Variants in NOVA1 observed in about 807,000 individuals in gnomAD.
The protein encoded by NOVA1 is NOVA alternative splicing regulator 1, also known as RNA-binding protein Nova-1.
Under a neutral mutation model 38.0 loss-of-function variants are expected in NOVA1, and 7 were observed. The observed-to-expected ratio is 0.18, with a 90% CI of 0.10 to 0.35. The LOEUF is 0.35. NOVA1 is among the 10% of genes least tolerant of loss of function. NOVA1 has a pLI of 1.00. For missense variants in NOVA1, 460 were observed against 616.0 expected (o/e 0.75, Z 2.68); for synonymous variants, 270 against 232.5 (o/e 1.16, Z -1.47).
intron 2 of NOVA1, among the ~76,000 whole-genome samples, chr14:26,579,948 T>C (rs1594574171): frequency 6.6e-6 from 1 of 152,050 alleles, no homozygotes; most frequent in East Asian, 1.9e-4. Flanking sequence ...TTTTTAGAGA[T>C]GGGGTCTCAC....
chr14:26,577,565 G>T (rs1892938710), intron 2 of NOVA1, among the ~76,000 whole-genome samples: 1 of 151,992 alleles, frequency 6.6e-6, no homozygotes, highest in South Asian at 2.1e-4. Context: ...TTTTGTTTCT[G>T]TTATCTTCTT....
intron 3 of NOVA1, among the ~76,000 whole-genome samples, chr14:26,472,675 A>C (rs1884681563): frequency 6.6e-6 from 1 of 152,066 alleles, no homozygotes; most frequent in Non-Finnish European, 1.5e-5. Flanking sequence ...ATATTCATGA[A>C]TAGTAGTTTC....
intron 2 of NOVA1, among the ~76,000 whole-genome samples, chr14:26,578,355 CTT>C (rs72054917): frequency 1.2e-4 from 10 of 86,096 alleles, no homozygotes; most frequent in East Asian, 3.0e-4. Context: ...AAGAAACACA[CTT>C]TTTTTTTTTA....
At chr14:26,529,248 C>T (rs976375439) in intron 2 of NOVA1, among the ~76,000 whole-genome samples, 7 of 151,990 alleles carry the variant, frequency 4.6e-5, no homozygotes, top group South Asian at 2.1e-4. Context: ...AGCATTTCTC[C>T]GGCCTCAGCC....
chr14:26,449,618 A>C (rs1013227157), intron 4 of NOVA1, among the ~76,000 whole-genome samples: 1 of 152,104 alleles, frequency 6.6e-6, no homozygotes, highest in Non-Finnish European at 1.5e-5. Context: ...ATAATTAATA[A>C]TTTTTAATTT....
At chr14:26,544,474 TA>T (rs772814341) in intron 2 of NOVA1, among the ~76,000 whole-genome samples, 5,139 of 139,638 alleles carry the variant, frequency 0.037, 171 homozygotes, top group African/African-American at 0.096. Flanking sequence ...AACATAAGGT[TA>T]AAAAAAAAAA....
intron 2 of NOVA1, among the ~76,000 whole-genome samples, chr14:26,540,865 G>A (rs759533307): frequency 3.9e-5 from 6 of 152,190 alleles, no homozygotes; most frequent in South Asian, 2.1e-4. Context: ...TGAACAATAC[G>A]TGCTTTCCAC....
At chr14:26,537,788 C>T (rs958526129) in intron 2 of NOVA1, among the ~76,000 whole-genome samples, 1 of 151,980 alleles carries the variant, frequency 6.6e-6, no homozygotes, top group Non-Finnish European at 1.5e-5. Context: ...CCTTAAAAGA[C>T]TATGAGGAGA....
chr14:26,585,323 CA>C (rs1010259028), intron 2 of NOVA1, among the ~76,000 whole-genome samples: 1 of 151,232 alleles, frequency 6.6e-6, no homozygotes, highest in Admixed American at 6.6e-5. Context: ...AAACTATAAG[CA>C]AATAAGTTCC....
At chr14:26,485,208 T>A (rs548875831) in intron 2 of NOVA1, among the ~76,000 whole-genome samples, 4 of 152,086 alleles carry the variant, frequency 2.6e-5, no homozygotes, top group South Asian at 2.1e-4. Context: ...ATTTTTTTTT[T>A]AAATAAACAA....
Position 26,596,483 on chromosome 14 carries a change from T to C in NOVA1, c.136+818A>G, listed in dbSNP as rs987943058. On this transcript the variant is annotated intron_variant, in intron 1 of 4. Coordinates refer to ENST00000539517, the MANE Select transcript of NOVA1 (RefSeq NM_002515.3). The stretch of plus-strand genomic sequence containing the variant: ...GGAGACACCCCGGTAAATCCAGCTT[T>C]CTTAATGTGAATGAATGTTCCAAAT... The C allele has an allele frequency of 1.7e-5, 21 of 1,210,444 alleles. No individual in the cohort carries two copies. The Admixed American group carries it at 2.1e-4, about 12-fold the overall frequency. The allele number at this position is 1,210,444 out of a possible 1,614,324, so 75.0% of individuals were successfully genotyped here.
chr14:26,584,421 C>T (rs1013853293), intron 2 of NOVA1, among the ~76,000 whole-genome samples: 2 of 151,436 alleles, frequency 1.3e-5, no homozygotes, highest in Non-Finnish European at 3.0e-5. Context: ...AATTACAGTA[C>T]CACTGTCAGT....
chr14:26,479,615 T>C (rs1885271063), intron 3 of NOVA1: 1 of 230,456 alleles, frequency 4.3e-6, no homozygotes, highest in African/African-American at 2.2e-5. Flanking sequence ...AAATAGGGTA[T>C]TGGAAATTTT....
rs77528246 is a variant in NOVA1, at chr14:26,547,759, C to T, written c.280+47651G>A. Among the ~76,000 whole-genome samples the T allele has an allele frequency of 7.2e-4, 109 of 152,030 alleles. 2 individuals are homozygous for T. In the East Asian group the frequency reaches 0.017, roughly 24 times the overall value. On this transcript the variant is annotated intron_variant, in intron 2 of 4. Transcript: ENST00000539517. ...TGCCAAAGAATCAATTATAGCAATT[C>T]GAATATTTCATATATTGATAAAAAT...
rs544183272 is a variant in NOVA1 at position 26,515,781 on chromosome 14, C to T, written c.281-35638G>A. Among the ~76,000 whole-genome samples, 23 of 152,090 alleles carry T rather than the reference C, an allele frequency of 1.5e-4. No individual in the cohort carries two copies. The South Asian group carries it at 2.9e-3, about 19-fold the overall frequency. ...AAGAAAAATAGATCATAGTGATCTACGCTTGAAATATTTTAGAATGCCTAT... is the reference window on the plus strand; with the variant it reads ...AAGAAAAATAGATCATAGTGATCTATGCTTGAAATATTTTAGAATGCCTAT... On this transcript the variant is annotated intron_variant, in intron 2 of 4. Coordinates refer to ENST00000539517, the MANE Select transcript of NOVA1 (RefSeq NM_002515.3).
At chr14:26,578,238 A>G (rs1243151338) in intron 2 of NOVA1, among the ~76,000 whole-genome samples, 1 of 152,160 alleles carries the variant, frequency 6.6e-6, no homozygotes, top group Non-Finnish European at 1.5e-5. Flanking sequence ...GAATAGCTTC[A>G]AAAGAGAAAT....
chr14:26,587,167 A>G (rs1463687023), intron 2 of NOVA1, among the ~76,000 whole-genome samples: 3 of 150,890 alleles, frequency 2.0e-5, no homozygotes, highest in South Asian at 2.1e-4. Context: ...CTGTTAAATG[A>G]AAGTTTTAGA....
At chr14:26,453,167 T>TGTAC (rs1882847859) in intron 4 of NOVA1, among the ~76,000 whole-genome samples, 1 of 115,596 alleles carries the variant, frequency 8.7e-6, no homozygotes, top group Non-Finnish European at 1.7e-5. Flanking sequence ...GCTTCAATTA[T>TGTAC]GTATGTATGT....
chr14:26,594,369 T>G (rs1894046396), intron 2 of NOVA1: 1 of 152,054 alleles, frequency 6.6e-6, no homozygotes, highest in Admixed American at 6.5e-5. Flanking sequence ...TCATGCCAGA[T>G]GTCTTTGCTG....
Sources: gnomAD v4.1 joint callset for allele counts (sites outside exome capture counted in the v4.1 genomes callset) on GRCh38, gnomAD v4.1.1 for gene constraint, MANE v1.5 for transcripts, NCBI Gene and HGNC (gene_info 2026-07-23, HGNC 2026-07-21) for gene names.